Variants in PARD3B observed in about 807,000 individuals in gnomAD.
PARD3B encodes the protein partitioning defective 3 homolog B.
Under a neutral mutation model 130.2 loss-of-function variants are expected in PARD3B, and 103 were observed. The observed-to-expected ratio is 0.79, with a 90% CI of 0.67 to 0.93. The LOEUF is 0.93. Among genes scored for constraint, PARD3B ranks in the 40% least tolerant of loss-of-function variants. The probability of loss-of-function intolerance (pLI) is 0.00; values close to 1 mark genes in which losing one functional copy is unlikely to be tolerated. For missense variants in PARD3B, 1,609 were observed against 1,499.2 expected (o/e 1.07, Z -1.21); for synonymous variants, 583 against 553.2 (o/e 1.05, Z -0.76).
chr2:205,088,820 A>G (rs1701907565), intron 4 of PARD3B, among the ~76,000 whole-genome samples: 1 of 146,108 alleles, frequency 6.8e-6, no homozygotes, highest in East Asian at 2.0e-4. Context: ...TTTGAGGTGG[A>G]ATCTTGCTTT....
At chr2:205,266,933 T>C (rs945215475) in intron 16 of PARD3B, among the ~76,000 whole-genome samples, 1 of 152,076 alleles carries the variant, frequency 6.6e-6, no homozygotes, top group African/African-American at 2.4e-5. Flanking sequence ...GTCAGGGCTG[T>C]TAAAAGGATT....
At chr2:204,875,541 C>T (rs1012230051) in intron 2 of PARD3B, among the ~76,000 whole-genome samples, 4 of 152,062 alleles carry the variant, frequency 2.6e-5, no homozygotes, top group South Asian at 2.1e-4. Flanking sequence ...CAACCAATTC[C>T]GACATCATGC....
At chr2:204,783,113 G>T (rs1161698557) in intron 2 of PARD3B, among the ~76,000 whole-genome samples, 1 of 152,092 alleles carries the variant, frequency 6.6e-6, no homozygotes, top group Non-Finnish European at 1.5e-5. Context: ...AATTTCAACT[G>T]ACTAGGCAAC....
intron 22 of PARD3B, among the ~76,000 whole-genome samples, chr2:205,601,596 T>C (rs112035058): frequency 0.021 from 3,154 of 152,332 alleles, 118 homozygotes; most frequent in African/African-American, 0.071. Flanking sequence ...TGAGTGGTGT[T>C]GCCTAGATTT....
Position 205,168,298 on chromosome 2 carries a change from A to G in PARD3B, c.1621-3913A>G, listed in dbSNP as rs562133135. 4.2e-4 allele frequency among the ~76,000 whole-genome samples: 48 copies of G among 114,640 alleles called. No individual in the cohort carries two copies. In the East Asian group the frequency reaches 8.3e-3, roughly 20 times the overall value. 75.2% of individuals were successfully genotyped at this position (114,640 alleles called of 152,430 possible). On this transcript the variant is annotated intron_variant, in intron 11 of 22. Coordinates refer to ENST00000406610, the MANE Select transcript of PARD3B (RefSeq NM_001302769.2). Reference sequence around the variant, plus strand: ...AAAGGGGTGAGAAAGGGAGAGAGAGAGAGAGAGAGAGAGAGAGAGAGAGTG... The same window carrying G: ...AAAGGGGTGAGAAAGGGAGAGAGAGGGAGAGAGAGAGAGAGAGAGAGAGTG...
At chr2:205,304,733 A>G (rs1220255488) in intron 18 of PARD3B, among the ~76,000 whole-genome samples, 2 of 152,064 alleles carry the variant, frequency 1.3e-5, no homozygotes, top group East Asian at 1.9e-4. Flanking sequence ...CCCAGGAGTT[A>G]TAAGACAAGC....
intron 22 of PARD3B, among the ~76,000 whole-genome samples, chr2:205,578,123 T>C (rs1470826547): frequency 3.3e-5 from 5 of 152,172 alleles, no homozygotes; most frequent in Admixed American, 3.3e-4. Flanking sequence ...CATTGGCCCC[T>C]GAGCAACTAC....
intron 2 of PARD3B, among the ~76,000 whole-genome samples, chr2:204,838,832 C>A (rs758284649): frequency 6.6e-6 from 1 of 152,020 alleles, no homozygotes; most frequent in Non-Finnish European, 1.5e-5. Flanking sequence ...AAAACATGTA[C>A]ATCTATTGTG....
intron 16 of PARD3B, among the ~76,000 whole-genome samples, chr2:205,246,675 C>T (rs1277205905): frequency 2.6e-5 from 4 of 152,108 alleles, no homozygotes; most frequent in Admixed American, 1.3e-4. Flanking sequence ...AAGTGTCTCC[C>T]GTGTTTGTGT....
intron 19 of PARD3B, among the ~76,000 whole-genome samples, chr2:205,414,287 T>C (rs1011791422): frequency 2.0e-5 from 3 of 152,216 alleles, no homozygotes; most frequent in African/African-American, 7.2e-5. Context: ...CTTTTCTTCA[T>C]GTCTAAGTCC....
intron 1 of PARD3B, among the ~76,000 whole-genome samples, chr2:204,547,162 A>G (rs2030032574): frequency 3.9e-5 from 6 of 152,132 alleles, no homozygotes; most frequent in Admixed American, 3.9e-4. Context: ...ATTTCTTTTA[A>G]CTTCTTATCG....
At chr2:205,327,404 A>G (rs1211527907) in intron 18 of PARD3B, among the ~76,000 whole-genome samples, 1 of 152,196 alleles carries the variant, frequency 6.6e-6, no homozygotes, top group African/African-American at 2.4e-5. Context: ...TTATATTATT[A>G]GTGTTTACTA....
chr2:205,504,477 T>A (rs1196578351), intron 21 of PARD3B, among the ~76,000 whole-genome samples: 1 of 151,812 alleles, frequency 6.6e-6, no homozygotes, highest in Non-Finnish European at 1.5e-5. Context: ...TGGGAGAAAA[T>A]TTTTGCAATC....
chr2:204,564,610 A>G (rs1432609263), intron 1 of PARD3B, among the ~76,000 whole-genome samples: 1 of 152,220 alleles, frequency 6.6e-6, no homozygotes, highest in Non-Finnish European at 1.5e-5. Context: ...ACTTATTTTT[A>G]GGAAAAATAA....
At position 204,678,396 on chromosome 2, in the gene PARD3B, C is replaced by T. The variant is rs1020175046; in HGVS notation, c.121-7785C>T. On this transcript the variant is annotated intron_variant, in intron 1 of 22. Transcript: ENST00000406610. The surrounding 1 kb of genome is among the most constrained non-coding windows in gnomAD (Gnocchi z 4.2). The stretch of plus-strand genomic sequence containing the variant: ...GAGAGTCAGGGTGACATATACCCTG[C>T]CCTCTTGGTACCCGGGTTCTTGTCT... Among the ~76,000 whole-genome samples the T allele has an allele frequency of 6.6e-6, 1 of 152,134 alleles. No individual in the cohort carries two copies. The highest frequency in any genetic ancestry group is 1.5e-5 in the Non-Finnish European group (1 of 68,026).
At chr2:205,339,040 T>A (rs1249890761) in intron 18 of PARD3B, among the ~76,000 whole-genome samples, 1 of 152,226 alleles carries the variant, frequency 6.6e-6, no homozygotes, top group Non-Finnish European at 1.5e-5. Context: ...ATGTAAAATT[T>A]GTAAAATTCG....
At chr2:205,580,197 TC>T (rs2053911225) in intron 22 of PARD3B, among the ~76,000 whole-genome samples, 1 of 152,234 alleles carries the variant, frequency 6.6e-6, no homozygotes, top group Admixed American at 6.5e-5. Context: ...TAATAATGTC[TC>T]TTAAGCAGCA....
intron 2 of PARD3B, among the ~76,000 whole-genome samples, chr2:204,834,842 T>G (rs952497816): frequency 6.6e-6 from 1 of 152,200 alleles, no homozygotes; most frequent in African/African-American, 2.4e-5. Context: ...AAAAGGCACC[T>G]GCATTTCATG....
chr2:204,665,665 A>G (rs993014539), intron 1 of PARD3B, among the ~76,000 whole-genome samples: 2 of 152,192 alleles, frequency 1.3e-5, no homozygotes, highest in African/African-American at 4.8e-5. Context: ...TGTAAAATGA[A>G]GTAATTAGAA....
Sources: allele counts gnomAD v4.1 joint callset (sites outside exome capture counted in the v4.1 genomes callset), GRCh38; gene constraint gnomAD v4.1.1; non-coding constraint Gnocchi (gnomAD v3.1); transcripts MANE v1.5; gene names NCBI Gene and HGNC (gene_info 2026-07-23, HGNC 2026-07-21).